DCHS2: variants seen among roughly 807,000 people sequenced by gnomAD.
DCHS2 encodes protocadherin-23.
In DCHS2, 142 loss-of-function variants were observed where a neutral mutation model predicts 182.4. That is an observed-to-expected ratio of 0.78 (90% CI 0.68 to 0.89). The LOEUF (loss-of-function observed/expected upper bound fraction) is 0.89. Ranked by LOEUF, DCHS2 falls within the 40% of genes least tolerant of loss-of-function variation. DCHS2 has a pLI of 0.00. For synonymous variants in DCHS2, 1,740 were observed against 1,663.3 expected, an observed-to-expected ratio of 1.05 and a Z score of -1.12; for missense variants, 4,319 against 4,198.6, an observed-to-expected ratio of 1.03 and a Z score of -0.79.
intron 1 of DCHS2, among the ~76,000 whole-genome samples, chr4:154,395,966 T>G (rs535198123): frequency 2.0e-5 from 3 of 152,334 alleles, no homozygotes; most frequent in African/African-American, 7.2e-5. Flanking sequence ...GAAGAGTTAT[T>G]CAAGGGAAGA....
chr4:154,417,194 T>G, intron 1 of DCHS2, among the ~76,000 whole-genome samples: 1 of 91,514 alleles, frequency 1.1e-5, no homozygotes, highest in Non-Finnish European at 2.3e-5. Flanking sequence ...TGTGTGTGTG[T>G]GTGTGTGTGT....
intron 16 of DCHS2, among the ~76,000 whole-genome samples, chr4:154,244,247 C>G (rs1731971255): frequency 6.6e-6 from 1 of 152,152 alleles, no homozygotes; most frequent in African/African-American, 2.4e-5. Context: ...ATGTTGGTTT[C>G]TCAAGATTTC....
At chr4:154,360,011 C>A (rs1476617154) in intron 3 of DCHS2, among the ~76,000 whole-genome samples, 1 of 151,518 alleles carries the variant, frequency 6.6e-6, no homozygotes, top group Non-Finnish European at 1.5e-5. Flanking sequence ...ATGAAACAAG[C>A]CTTGAAATGG....
intron 16 of DCHS2, among the ~76,000 whole-genome samples, chr4:154,247,635 C>CAAAAAAAAAAAAA (rs67157369): frequency 2.7e-4 from 27 of 100,138 alleles, no homozygotes; most frequent in African/African-American, 1.1e-3. Context: ...GACTCCGTCT[C>CAAAAAAAAAAAAA]AAAAAAAAAA....
intron 2 of DCHS2, among the ~76,000 whole-genome samples, chr4:154,368,185 A>G (rs1730478708): frequency 1.3e-5 from 2 of 152,180 alleles, no homozygotes; most frequent in African/African-American, 4.8e-5. Flanking sequence ...GTATGTCTCC[A>G]GGTTCGACGT....
rs1731286802 is a variant in DCHS2 at position 154,233,492 on chromosome 4, A to T, written c.*1044T>A. On this transcript the variant is annotated 3_prime_UTR_variant, in exon 20 of 20. Coordinates refer to ENST00000357232, the MANE Select transcript of DCHS2 (RefSeq NM_001358235.2). ...ACTTTTATAGTAGAAACATTTCCAT[A>T]AAAAACTTCATTTAAAAATATATTG... The T allele has an allele frequency of 6.6e-6, 1 of 152,194 alleles. No individual in the cohort carries two copies. The highest frequency in any genetic ancestry group is 6.6e-5 in the Admixed American group (1 of 15,262). The allele number at this position is 152,194 out of a possible 1,614,324, so 9.4% of individuals were successfully genotyped here. A position where few individuals can be genotyped will look rare whatever the true frequency, so the allele number is the denominator to read the frequency against.
chr4:154,487,608 G>T (rs1463525290), intron 1 of DCHS2, among the ~76,000 whole-genome samples: 1 of 152,172 alleles, frequency 6.6e-6, no homozygotes, highest in African/African-American at 2.4e-5. Flanking sequence ...GATTAAAATG[G>T]TGGAAGCAGT....
At chr4:154,420,443 G>C (rs1297404401) in intron 1 of DCHS2, among the ~76,000 whole-genome samples, 1 of 152,148 alleles carries the variant, frequency 6.6e-6, no homozygotes, top group African/African-American at 2.4e-5. Context: ...GCATACCTCA[G>C]TACGTGTCCA....
intron 1 of DCHS2, among the ~76,000 whole-genome samples, chr4:154,484,141 T>A (rs1412512127): frequency 6.6e-6 from 1 of 152,154 alleles, no homozygotes; most frequent in African/African-American, 2.4e-5. Flanking sequence ...TTCCACCAGT[T>A]TCTCACTCAC....
chr4:154,488,902 CTGTGTGTGTGTGTG>C (rs35075104), intron 1 of DCHS2, among the ~76,000 whole-genome samples: 4 of 62,272 alleles, frequency 6.4e-5, no homozygotes, highest in South Asian at 5.5e-4. Context: ...GTGTGTGTGT[CTGTGTGTGTGTGTG>C]TGTGTGTGTG....
chr4:154,305,463 G>A (rs1395687353), intron 10 of DCHS2, among the ~76,000 whole-genome samples: 1 of 152,148 alleles, frequency 6.6e-6, no homozygotes, highest in Non-Finnish European at 1.5e-5. Flanking sequence ...TCCCCACAGT[G>A]AATGCTTAGA....
At chr4:154,464,636 G>A (rs7664718) in intron 1 of DCHS2, among the ~76,000 whole-genome samples, 134,088 of 152,210 alleles carry the variant, frequency 0.88, 61,265 homozygotes, top group East Asian at 1. Context: ...AAGATTTACT[G>A]GGAAAGGAGT....
intron 1 of DCHS2, chr4:154,391,440 A>G: frequency 8.2e-7 from 1 of 1,218,424 alleles, no homozygotes; most frequent in Non-Finnish European, 1.1e-6. Flanking sequence ...AACTAAAAAT[A>G]GGCAGATCAG....
At chr4:154,248,922 T>C (rs1732215703) in intron 16 of DCHS2, among the ~76,000 whole-genome samples, 1 of 152,154 alleles carries the variant, frequency 6.6e-6, no homozygotes, top group South Asian at 2.1e-4. Context: ...TTTTACCATA[T>C]ACAAAAATTG....
intron 3 of DCHS2, among the ~76,000 whole-genome samples, chr4:154,339,739 G>A (rs758082480): frequency 2.6e-5 from 4 of 152,050 alleles, no homozygotes; most frequent in Non-Finnish European, 5.9e-5. Flanking sequence ...GAGCGACCGC[G>A]CCCAGCCAAA....
At chr4:154,486,366 G>T in intron 1 of DCHS2, 1 of 1,290,648 alleles carries the variant, frequency 7.7e-7, no homozygotes, top group Non-Finnish European at 1.0e-6. Context: ...CATTGGGGAT[G>T]TGGAGTAACC....
Position 154,235,424 on chromosome 4 carries a change from A to ACTT in DCHS2, c.9225_9227dup (p.Ile3075_Ser3076insArg). On this transcript the variant is annotated inframe_insertion, in exon 20 of 20. Transcript: ENST00000357232. Reference sequence around the variant, plus strand: ...GATTGACAATATCCTTCTCCATGATACTTATTAAACTCAACCATTCCGGAG... The same window carrying ACTT: ...GATTGACAATATCCTTCTCCATGATACTTCTTATTAAACTCAACCATTCCGGAG... The ACTT allele has an allele frequency of 2.5e-6, 4 of 1,613,994 alleles. No individual in the cohort carries two copies. The highest frequency in any genetic ancestry group is 3.4e-6 in the Non-Finnish European group (4 of 1,179,962).
intron 1 of DCHS2, among the ~76,000 whole-genome samples, chr4:154,463,174 T>TACAC (rs59327032): frequency 0.015 from 2,177 of 148,208 alleles, 38 homozygotes; most frequent in South Asian, 0.077. Flanking sequence ...TATATATATA[T>TACAC]ACACACACAC....
At chr4:154,312,814 T>C (rs1253961196) in intron 10 of DCHS2, among the ~76,000 whole-genome samples, 2 of 152,214 alleles carry the variant, frequency 1.3e-5, no homozygotes, top group African/African-American at 4.8e-5. Context: ...TAAGTCACCT[T>C]CTAAAGGGTA....
Sources: allele counts gnomAD v4.1 joint callset (sites outside exome capture counted in the v4.1 genomes callset), GRCh38; gene constraint gnomAD v4.1.1; transcripts MANE v1.5; gene names NCBI Gene and HGNC (gene_info 2026-07-23, HGNC 2026-07-21).